KATNIP: variants seen among roughly 807,000 people sequenced by gnomAD.
KATNIP encodes katanin-interacting protein.
KATNIP carries 126 observed loss-of-function variants against 174.0 expected under a neutral mutation model. That is an observed-to-expected ratio of 0.72 (90% confidence interval 0.63 to 0.84). The LOEUF is 0.84. KATNIP is among the 40% of genes least tolerant of loss of function. The probability of loss-of-function intolerance (pLI) is 0.00; values close to 1 mark genes in which losing one functional copy is unlikely to be tolerated. For synonymous variants in KATNIP, 810 were observed against 835.7 expected (o/e 0.97, Z 0.53); for missense variants, 1,958 against 2,109.7 (o/e 0.93, Z 1.41).
intron 5 of KATNIP, among the ~76,000 whole-genome samples, chr16:27,647,564 G>A (rs1015140003): frequency 6.7e-6 from 1 of 149,412 alleles, no homozygotes; most frequent in African/African-American, 2.5e-5. Context: ...GGAGTGCAAT[G>A]GCATGATCTC....
Position 27,637,935 on chromosome 16 carries a change from A to G in KATNIP, c.408+6773A>G, listed in dbSNP as rs991383986. ...TTGAAGCAGGGCTACGTCTCTCTCC[A>G]CCAACCTTCCCCAGCCCCCGTCCTT... On this transcript the variant is annotated intron_variant, in intron 5 of 27. Coordinates refer to ENST00000261588, the MANE Select transcript of KATNIP (RefSeq NM_015202.5). This position sits in a 1 kb window ranked among gnomAD's most constrained non-coding sequence, Gnocchi z 4.7. Among the ~76,000 whole-genome samples the G allele has an allele frequency of 1.3e-5, 2 of 152,148 alleles. No individual in the cohort carries two copies. Among genetic ancestry groups the G allele is most frequent in the East Asian group, 3.9e-4 (2 of 5,190 alleles).
At chr16:27,582,143 TCA>T (rs1375471645) in intron 2 of KATNIP, among the ~76,000 whole-genome samples, 1 of 152,214 alleles carries the variant, frequency 6.6e-6, no homozygotes, top group Non-Finnish European at 1.5e-5. Context: ...TCTGTGAGTT[TCA>T]GACTCCACTA....
At chr16:27,688,259 A>G (rs1182599519) in intron 8 of KATNIP, among the ~76,000 whole-genome samples, 2 of 152,090 alleles carry the variant, frequency 1.3e-5, no homozygotes, top group Non-Finnish European at 2.9e-5. Flanking sequence ...GTGTAGTGAG[A>G]CCTTGTCTCT....
chr16:27,723,142 C>T (rs956492287), intron 14 of KATNIP, among the ~76,000 whole-genome samples: 1 of 152,154 alleles, frequency 6.6e-6, no homozygotes, highest in Non-Finnish European at 1.5e-5. Context: ...ACACAGCCTC[C>T]TAATCGCTCC....
intron 5 of KATNIP, among the ~76,000 whole-genome samples, chr16:27,640,275 G>A (rs993834809): frequency 1.3e-5 from 2 of 152,232 alleles, no homozygotes; most frequent in African/African-American, 4.8e-5. Flanking sequence ...AAGAGCAGCC[G>A]CTTTGAAACA....
intron 2 of KATNIP, among the ~76,000 whole-genome samples, chr16:27,589,270 TA>T (rs1373910993): frequency 6.6e-6 from 1 of 152,154 alleles, no homozygotes; most frequent in Non-Finnish European, 1.5e-5. Flanking sequence ...AATACCCAAC[TA>T]ATAATGGTCT....
intron 14 of KATNIP, 105 bp downstream of exon 14, chr16:27,721,800 C>A: frequency 7.7e-7 from 1 of 1,294,494 alleles, no homozygotes; most frequent in African/African-American, 1.5e-5. Flanking sequence ...TACACGGAAG[C>A]CCTGCTGGCC....
At chr16:27,694,807 A>T (rs71377613) in intron 8 of KATNIP, among the ~76,000 whole-genome samples, 19,676 of 151,678 alleles carry the variant, frequency 0.13, 1,357 homozygotes, top group Admixed American at 0.15. Context: ...ATAAATAAAT[A>T]AATAAATAAA....
intron 5 of KATNIP, 29 bp from the exon 6 acceptor site, chr16:27,648,572 CCTT>C: frequency 6.2e-7 from 1 of 1,613,224 alleles, no homozygotes; most frequent in Non-Finnish European, 8.5e-7. Context: ...CCTCATTCCA[CCTT>C]ATCTGAAATG....
At chr16:27,750,732 CTTTTTT>C (rs397854747) in intron 16 of KATNIP, among the ~76,000 whole-genome samples, 27 of 92,106 alleles carry the variant, frequency 2.9e-4, no homozygotes, top group African/African-American at 1.1e-3. Context: ...GCGCCCAGCC[CTTTTTT>C]TTTTTTTTTT....
At chr16:27,727,926 T>C (rs1419086045) in intron 14 of KATNIP, 5 of 146,410 alleles carry the variant, frequency 3.4e-5, no homozygotes, top group Admixed American at 1.4e-4. Flanking sequence ...CTATCGTGCA[T>C]GGCCATAATT....
chr16:27,552,743 G>A (rs1326832344), intron 1 of KATNIP, among the ~76,000 whole-genome samples: 1 of 139,052 alleles, frequency 7.2e-6, no homozygotes, highest in East Asian at 2.1e-4. Flanking sequence ...TGCCCAGGCT[G>A]GAGTGCAATG....
chr16:27,690,442 CAG>C (rs1375120323), intron 8 of KATNIP, among the ~76,000 whole-genome samples: 1 of 152,048 alleles, frequency 6.6e-6, no homozygotes, highest in Non-Finnish European at 1.5e-5. Context: ...GCTAGAGAAA[CAG>C]ACACTAGCTC....
At chr16:27,607,537 G>A (rs77696163) in intron 2 of KATNIP, among the ~76,000 whole-genome samples, 3,149 of 151,840 alleles carry the variant, frequency 0.021, 132 homozygotes, top group African/African-American at 0.072. Context: ...GGGAGGCAGC[G>A]GGGAATCAAG....
chr16:27,555,601 G>A (rs905016790), intron 1 of KATNIP, among the ~76,000 whole-genome samples: 5 of 152,142 alleles, frequency 3.3e-5, no homozygotes, highest in Non-Finnish European at 5.9e-5. Flanking sequence ...TTGGAAGGCC[G>A]AGGCAGGCAG....
chr16:27,649,180 A>G (rs1208333273), intron 6 of KATNIP, among the ~76,000 whole-genome samples: 4 of 152,250 alleles, frequency 2.6e-5, no homozygotes, highest in African/African-American at 7.2e-5. Flanking sequence ...ACGTGTATAC[A>G]TGCACCTGAT....
At chr16:27,594,475 C>G (rs1189919270) in intron 2 of KATNIP, among the ~76,000 whole-genome samples, 1 of 151,978 alleles carries the variant, frequency 6.6e-6, no homozygotes, top group Admixed American at 6.6e-5. Context: ...TCTGAGATTC[C>G]TGGTCGGTTT....
At chr16:27,608,599 C>A (rs1211099825) in intron 2 of KATNIP, among the ~76,000 whole-genome samples, 1 of 151,780 alleles carries the variant, frequency 6.6e-6, no homozygotes, top group African/African-American at 2.4e-5. Context: ...CTCACTGTAG[C>A]CTCGAGCTCC....
At chr16:27,767,628 C>T (rs1597411480) in intron 20 of KATNIP, among the ~76,000 whole-genome samples, 2 of 152,194 alleles carry the variant, frequency 1.3e-5, no homozygotes, top group Non-Finnish European at 2.9e-5. Context: ...GCAGGAGGAT[C>T]TCTTGAGCCC....
Sources: gnomAD v4.1 joint callset for allele counts (sites outside exome capture counted in the v4.1 genomes callset) on GRCh38, gnomAD v4.1.1 for gene constraint, Gnocchi (gnomAD v3.1) non-coding constraint, MANE v1.5 for transcripts, NCBI Gene and HGNC (gene_info 2026-07-23, HGNC 2026-07-21) for gene names.